EDA: variants seen among roughly 807,000 people sequenced by gnomAD.
The protein encoded by EDA is ectodysplasin A, also known as ectodysplasin-A.
In EDA, 2 loss-of-function variants were observed where a neutral mutation model predicts 23.6. That is an observed-to-expected ratio of 0.08 (90% confidence interval 0.03 to 0.27). The LOEUF (loss-of-function observed/expected upper bound fraction) is 0.27, where lower values mean the gene tolerates loss of function less well. EDA is among the 10% of genes least tolerant of loss of function. EDA has a pLI of 1.00. For missense variants in EDA, 229 were observed against 324.2 expected (o/e 0.71, Z 2.26); for synonymous variants, 131 against 132.0 (o/e 0.99, Z 0.05).
intron 1 of EDA, among the ~76,000 whole-genome samples, chrX:69,818,664 C>T (rs933413688): frequency 4.0e-4 from 44 of 111,114 alleles, no homozygotes; most frequent in African/African-American, 1.3e-3. Context: ...AAGACTGAAC[C>T]AGGAAGAAAT....
At chrX:69,695,748 C>T (rs1002591278) in intron 1 of EDA, among the ~76,000 whole-genome samples, 6 of 108,752 alleles carry the variant, frequency 5.5e-5, no homozygotes, top group Admixed American at 3.9e-4. Flanking sequence ...GATCCACCCG[C>T]CTCCCGCCTT....
At chrX:69,796,388 C>T (rs776682855) in intron 1 of EDA, among the ~76,000 whole-genome samples, 6 of 111,877 alleles carry the variant, frequency 5.4e-5, no homozygotes, top group Non-Finnish European at 9.4e-5. Flanking sequence ...TAGAATCCCA[C>T]TACTCAGCAA....
chrX:69,616,367 G>T lies in EDA; in HGVS notation c.59G>T (p.Arg20Leu). The T allele has an allele frequency of 1.7e-6, 2 of 1,208,096 alleles. No individual in the cohort carries two copies. The highest frequency in any genetic ancestry group is 2.2e-6 in the Non-Finnish European group (2 of 894,844). Residue 20 changes from arginine to leucine, a missense_variant, in exon 1 of 8, where the codon CGA becomes CTA. Coordinates refer to ENST00000374552, the MANE Select transcript of EDA (RefSeq NM_001399.5). ...CTGCCTGCAGCAGCGCCGCGGGAGCGAGGGAGCCAGGGCTGCGGGTGTGGC... is the reference window on the plus strand; with the variant it reads ...CTGCCTGCAGCAGCGCCGCGGGAGCTAGGGAGCCAGGGCTGCGGGTGTGGC... ...ELLPAAAPRE[R>L]GSQGCGCGGA...
At chrX:69,647,816 T>C (rs1471215661) in intron 1 of EDA, among the ~76,000 whole-genome samples, 1 of 112,340 alleles carries the variant, frequency 8.9e-6, no homozygotes, top group Non-Finnish European at 1.9e-5. Flanking sequence ...TTCTTATCTT[T>C]GTGGGCTTCT....
intron 1 of EDA, among the ~76,000 whole-genome samples, chrX:69,772,449 C>G (rs1213533482): frequency 8.9e-6 from 1 of 111,937 alleles, no homozygotes; most frequent in Non-Finnish European, 1.9e-5. Flanking sequence ...AAGGTAAAAT[C>G]TACATAATGT....
intron 1 of EDA, among the ~76,000 whole-genome samples, chrX:69,789,752 C>G (rs772628285): frequency 8.9e-5 from 10 of 111,780 alleles, no homozygotes; most frequent in Non-Finnish European, 1.7e-4. Flanking sequence ...TCTTTTAACA[C>G]TACTTTTTAG....
chrX:69,696,100 G>A (rs1359002149), intron 1 of EDA, among the ~76,000 whole-genome samples: 3 of 110,490 alleles, frequency 2.7e-5, no homozygotes, highest in Non-Finnish European at 5.7e-5. Flanking sequence ...TTAGCTGGGC[G>A]TGGTGGCACA....
intron 1 of EDA, among the ~76,000 whole-genome samples, chrX:69,655,665 A>G (rs190285853): frequency 0.013 from 1,300 of 102,636 alleles, 20 homozygotes; most frequent in African/African-American, 0.043. Context: ...TTTGGACCAC[A>G]TATTTTCCCC....
chrX:69,860,210 T>C lies in EDA; in HGVS notation c.397-96817T>C, dbSNP rs968770779. On this transcript the variant is annotated intron_variant, in intron 1 of 7. Coordinates refer to ENST00000374552, the MANE Select transcript of EDA (RefSeq NM_001399.5). The stretch of plus-strand genomic sequence containing the variant: ...GCCACTCTGTGTCTTTTAATTGGGG[T>C]GTTTGGCTCATTTACATTTAAGATT... Among the ~76,000 whole-genome samples the C allele has an allele frequency of 2.7e-5, 3 of 110,881 alleles. No homozygotes were observed. In the Admixed American group the frequency reaches 2.9e-4, roughly 11 times the overall value.
chrX:69,624,979 G>GT (rs1192235971), intron 1 of EDA, among the ~76,000 whole-genome samples: 2 of 110,835 alleles, frequency 1.8e-5, no homozygotes. Context: ...ATTTTCTTGT[G>GT]TTTTTTTAAG....
At chrX:69,649,612 G>A (rs113154611) in intron 1 of EDA, among the ~76,000 whole-genome samples, 2 of 106,383 alleles carry the variant, frequency 1.9e-5, no homozygotes, top group African/African-American at 7.0e-5. Context: ...TTTGAGACAG[G>A]GTCTCACTCT....
At chrX:69,946,525 T>G (rs900185635) in intron 1 of EDA, among the ~76,000 whole-genome samples, 1 of 112,147 alleles carries the variant, frequency 8.9e-6, no homozygotes, top group Non-Finnish European at 1.9e-5. Flanking sequence ...CAATGTAAAC[T>G]GAATATCACT....
chrX:69,940,524 G>C (rs1192310344), intron 1 of EDA, among the ~76,000 whole-genome samples: 2 of 109,599 alleles, frequency 1.8e-5, no homozygotes, highest in African/African-American at 6.6e-5. Context: ...TTTATCTTTT[G>C]ATAAAAAAAC....
At chrX:70,029,184 A>G (rs770885449) in intron 4 of EDA, among the ~76,000 whole-genome samples, 1 of 112,915 alleles carries the variant, frequency 8.9e-6, no homozygotes, top group East Asian at 2.8e-4. Flanking sequence ...AGCCAATGCC[A>G]TTGCCTCAGG....
chrX:69,696,277 C>T (rs1476973279), intron 1 of EDA, among the ~76,000 whole-genome samples: 1 of 110,648 alleles, frequency 9.0e-6, no homozygotes, highest in Non-Finnish European at 1.9e-5. Context: ...CCAAGAAAGC[C>T]TTATTGTTTC....
At chrX:69,929,706 TTGTGTGTG>T (rs4007701) in intron 1 of EDA, among the ~76,000 whole-genome samples, 1,126 of 84,300 alleles carry the variant, frequency 0.013, 18 homozygotes, top group African/African-American at 0.045. Flanking sequence ...CATTCTATTT[TTGTGTGTG>T]TGTGTGTGTG....
intron 1 of EDA, among the ~76,000 whole-genome samples, chrX:69,951,945 A>G (rs766881957): frequency 4.8e-4 from 54 of 112,202 alleles, no homozygotes; most frequent in Non-Finnish European, 8.8e-4. Flanking sequence ...TGCAATAGGA[A>G]AGCAATATTC....
At chrX:69,830,835 G>A (rs1221187654) in intron 1 of EDA, among the ~76,000 whole-genome samples, 3 of 111,688 alleles carry the variant, frequency 2.7e-5, no homozygotes, top group African/African-American at 6.5e-5. Context: ...TGTTTGTAGA[G>A]CAGTTTTTCT....
intron 1 of EDA, among the ~76,000 whole-genome samples, chrX:69,678,103 G>C (rs1466431276): frequency 2.0e-4 from 22 of 109,610 alleles, no homozygotes; most frequent in Admixed American, 5.8e-4. Context: ...GCTTGTTTTT[G>C]TCAGGTTTGT....
Sources: gnomAD v4.1 joint callset for allele counts (sites outside exome capture counted in the v4.1 genomes callset) on GRCh38, gnomAD v4.1.1 for gene constraint, MANE v1.5 for transcripts, NCBI Gene and HGNC (gene_info 2026-07-23, HGNC 2026-07-21) for gene names.